NUP93: variants seen among roughly 807,000 people sequenced by gnomAD.
The protein encoded by NUP93 is nuclear pore complex protein Nup93.
NUP93 carries 55 observed loss-of-function variants against 107.8 expected under a neutral mutation model. That is an observed-to-expected ratio of 0.51 (90% CI 0.41 to 0.64). NUP93 has a LOEUF of 0.64. Among genes scored for constraint, NUP93 ranks in the 30% least tolerant of loss-of-function variants. The probability of loss-of-function intolerance (pLI) is 0.00; values close to 1 mark genes in which losing one functional copy is unlikely to be tolerated. For missense variants in NUP93, 937 were observed against 1,044.7 expected, an observed-to-expected ratio of 0.90 and a Z score of 1.42; for synonymous variants, 390 against 397.5, an observed-to-expected ratio of 0.98 and a Z score of 0.22.
Position 56,794,097 on chromosome 16 carries a change from GATAGA to G in NUP93, c.298-4378_298-4374del, listed in dbSNP as rs1567391439. On this transcript the variant is annotated intron_variant, in intron 3 of 21. Coordinates refer to ENST00000308159, the MANE Select transcript of NUP93 (RefSeq NM_014669.5). The stretch of plus-strand genomic sequence containing the variant: ...AGGTAGGTAGGTAGGTAGGTAGATA[GATAGA>G]TAGATAGATAGATAGATAGATAGAT... Among the ~76,000 whole-genome samples the G allele has an allele frequency of 2.1e-5, 3 of 141,452 alleles. No homozygotes were observed. In the East Asian group the frequency reaches 6.6e-4, roughly 31 times the overall value. 92.8% of individuals were successfully genotyped at this position (141,452 alleles called of 152,430 possible).
intron 4 of NUP93, among the ~76,000 whole-genome samples, chr16:56,799,882 G>A (rs1288649601): frequency 6.6e-6 from 1 of 152,106 alleles, no homozygotes; most frequent in Non-Finnish European, 1.5e-5. Flanking sequence ...GATATGTTTA[G>A]TTATCAAAAT....
rs1414796459 is a variant in NUP93 at position 56,829,069 on chromosome 16, T to G, written c.887T>G (p.Phe296Cys). 1 of 1,613,304 alleles carries G rather than the reference T, an allele frequency of 6.2e-7. No individual in the cohort carries two copies. The highest frequency in any genetic ancestry group is 1.7e-5 in the Admixed American group (1 of 59,820). Reference sequence around the variant, plus strand: ...GGGACTTACCAATTGGTTCGAAGTTTCCTGAACATTAAACTGCCAGCTCCC... The same window carrying G: ...GGGACTTACCAATTGGTTCGAAGTTGCCTGAACATTAAACTGCCAGCTCCC... ...VPGTYQLVRS[F>C]LNIKLPAPLP... Residue 296 changes from phenylalanine to cysteine, a missense_variant, in exon 9 of 22, where the codon TTC (phenylalanine) becomes TGC (cysteine). Physicochemically the swap from Phe to Cys is radical, Grantham distance 205. Transcript: ENST00000308159.
chr16:56,799,285 C>T (rs1319309738), intron 4 of NUP93, among the ~76,000 whole-genome samples: 4 of 152,160 alleles, frequency 2.6e-5, no homozygotes, highest in Non-Finnish European at 4.4e-5. Context: ...AAAGCACACA[C>T]GCGAAACTAG....
intron 3 of NUP93, among the ~76,000 whole-genome samples, chr16:56,758,861 A>G (rs1962074520): frequency 6.6e-6 from 1 of 152,252 alleles, no homozygotes. Context: ...GGCTGAATTT[A>G]AGAAAGCAAT....
At chr16:56,826,514 TA>T (rs35715417) in intron 8 of NUP93, among the ~76,000 whole-genome samples, 91,559 of 128,146 alleles carry the variant, frequency 0.71, 31,522 homozygotes, top group Middle Eastern at 0.78. Context: ...AGACTCCGTC[TA>T]AAAAAAAAAA....
In NUP93 at chr16:56,834,112, G is replaced by C; in HGVS notation, c.1538-16G>C. 6.2e-7 allele frequency: 1 copy of C among 1,613,918 alleles called. No homozygotes were observed. The highest frequency in any genetic ancestry group is 1.1e-5 in the South Asian group (1 of 91,056). The stretch of plus-strand genomic sequence containing the variant: ...GGGCAGTGTGGTTGTGACCCATTCT[G>C]ACCCCCACAATGCAGTCAGCCACGA... On this transcript the variant is annotated splice_polypyrimidine_tract_variant and intron_variant, in intron 13 of 21. Transcript: ENST00000308159.
intron 12 of NUP93, among the ~76,000 whole-genome samples, 181 bp from the exon 13 acceptor site, chr16:56,833,034 C>G (rs181898224): frequency 9.3e-4 from 141 of 152,292 alleles, no homozygotes; most frequent in Admixed American, 1.6e-3. Flanking sequence ...GGAGCCAGGT[C>G]ACATTTCACA....
At chr16:56,841,630 C>A in intron 20 of NUP93, 75 bp from the exon 21 acceptor site, 1 of 1,565,684 alleles carries the variant, frequency 6.4e-7, no homozygotes, top group Non-Finnish European at 8.7e-7. Context: ...CCTGGAGCAG[C>A]CCACCCTCCC....
chr16:56,793,789 G>A (rs1962822183), intron 3 of NUP93, among the ~76,000 whole-genome samples: 2 of 152,160 alleles, frequency 1.3e-5, no homozygotes, highest in Non-Finnish European at 2.9e-5. Flanking sequence ...GTATTCTGAT[G>A]TATAAATTAC....
intron 3 of NUP93, among the ~76,000 whole-genome samples, chr16:56,788,528 CT>C (rs1452559273): frequency 1.3e-5 from 2 of 152,192 alleles, no homozygotes; most frequent in African/African-American, 4.8e-5. Flanking sequence ...ATATTATGCC[CT>C]TAACTTGTTT....
chr16:56,767,538 G>T (rs957088607), intron 3 of NUP93, among the ~76,000 whole-genome samples: 2 of 152,134 alleles, frequency 1.3e-5, no homozygotes, highest in Admixed American at 6.5e-5. Flanking sequence ...GGATATGGGG[G>T]AGAGTTTCCT....
chr16:56,783,460 CA>C, intron 3 of NUP93: 1 of 985,224 alleles, frequency 1.0e-6, no homozygotes, highest in Non-Finnish European at 1.2e-6. Context: ...TGCAGCATTG[CA>C]AAGAATCGAT....
chr16:56,771,644 T>C (rs1962324720), intron 3 of NUP93, among the ~76,000 whole-genome samples: 1 of 152,154 alleles, frequency 6.6e-6, no homozygotes, highest in Non-Finnish European at 1.5e-5. Flanking sequence ...CTTAGAAGAG[T>C]AATTTGGCGT....
At chr16:56,802,750 A>G (rs562004860) in intron 4 of NUP93, among the ~76,000 whole-genome samples, 20 of 152,346 alleles carry the variant, frequency 1.3e-4, no homozygotes, top group Admixed American at 2.6e-4. Context: ...TGTGTTGCCA[A>G]TAATAAAGCA....
rs191754750 is a variant in NUP93, at chr16:56,829,034, C to T, written c.852C>T (p.Gly284=). 1.1e-5 allele frequency: 18 copies of T among 1,613,426 alleles called. No homozygotes were observed. The highest frequency in any genetic ancestry group is 1.1e-4 in the African/African-American group (8 of 74,920). Residue 284 remains glycine, a synonymous_variant, in exon 9 of 22, where the codon GGC becomes GGT. Transcript: ENST00000308159. Reference sequence around the variant, plus strand: ...GAAATTTGCATCAGGCCCAGCTGGGCGGGGTGCCTGGGACTTACCAATTGG... The same window carrying T: ...GAAATTTGCATCAGGCCCAGCTGGGTGGGGTGCCTGGGACTTACCAATTGG... ...VFGNLHQAQL[G]GVPGTYQLVR... is the part of the protein sequence containing the mutation.
intron 5 of NUP93, among the ~76,000 whole-genome samples, chr16:56,812,892 C>T (rs16962399): frequency 0.092 from 14,035 of 152,196 alleles, 676 homozygotes; most frequent in East Asian, 0.15. Flanking sequence ...GGAAGAACTT[C>T]CCTATTGAGG....
At chr16:56,821,458 G>A in intron 6 of NUP93, 46 bp from the exon 7 acceptor site, 1 of 1,319,034 alleles carries the variant, frequency 7.6e-7, no homozygotes, top group Non-Finnish European at 1.1e-6. Flanking sequence ...TTAAAAAGAA[G>A]AGAAAATAGA....
chr16:56,818,336 G>A (rs1300211643), intron 5 of NUP93, among the ~76,000 whole-genome samples: 1 of 152,188 alleles, frequency 6.6e-6, no homozygotes, highest in Non-Finnish European at 1.5e-5. Context: ...GGGAAGGGAG[G>A]ATGAGGTAGA....
At chr16:56,749,606 T>C (rs1961882945) in intron 2 of NUP93, among the ~76,000 whole-genome samples, 1 of 152,224 alleles carries the variant, frequency 6.6e-6, no homozygotes, top group Non-Finnish European at 1.5e-5. Context: ...CTGGTGTTAA[T>C]GTGGGACATC....
Sources: allele counts gnomAD v4.1 joint callset (sites outside exome capture counted in the v4.1 genomes callset), GRCh38; gene constraint gnomAD v4.1.1; transcripts MANE v1.5; gene names NCBI Gene and HGNC (gene_info 2026-07-23, HGNC 2026-07-21).